The following HEATR1 variants were observed in gnomAD, a reference collection of about 807,000 sequenced individuals.
HEATR1 encodes the protein HEAT repeat containing 1.
Under a neutral mutation model 248.2 loss-of-function variants are expected in HEATR1, and 77 were observed. That is an observed-to-expected ratio of 0.31 (90% CI 0.26 to 0.37). HEATR1 has a LOEUF of 0.37. HEATR1 is among the 10% of genes least tolerant of loss of function. The pLI is 1.00. For synonymous variants in HEATR1, 897 were observed against 923.1 expected, an observed-to-expected ratio of 0.97 and a Z score of 0.51; for missense variants, 2,420 against 2,504.9, an observed-to-expected ratio of 0.97 and a Z score of 0.72.
intron 10 of HEATR1, among the ~76,000 whole-genome samples, 158 bp downstream of exon 10, chr1:236,592,365 T>A (rs1169028017): frequency 6.6e-6 from 1 of 152,202 alleles, no homozygotes; most frequent in Admixed American, 6.5e-5. Context: ...CTCTTATATT[T>A]CAAATATTTT....
chr1:236,597,225 T>C (rs1444475598), intron 5 of HEATR1, among the ~76,000 whole-genome samples: 1 of 151,406 alleles, frequency 6.6e-6, no homozygotes, highest in East Asian at 1.9e-4. Flanking sequence ...AACTGCCTAA[T>C]GATATTCCTA....
Position 236,576,796 on chromosome 1 carries a change from G to A in HEATR1, c.2909C>T (p.Ala970Val), listed in dbSNP as rs1321635502. 1 of 1,611,982 alleles carries A rather than the reference G, an allele frequency of 6.2e-7. No individual in the cohort carries two copies. Among genetic ancestry groups the A allele is most frequent in the Non-Finnish European group, 8.5e-7 (1 of 1,179,244 alleles). ...ISKAEEITSDAAYVIQDLATL... is the reference protein window; with the variant it reads ...ISKAEEITSDVAYVIQDLATL... ...CGAGCTTACCTGAATAACATAGGCA[G>A]CATCTGAAGTGATCTCCTCTGCTTT... The change falls in exon 21 of 45, where the codon GCT becomes GTT. Residue 970 changes from alanine (A) to valine (V), a missense_variant. Coordinates refer to ENST00000366582, the MANE Select transcript of HEATR1 (RefSeq NM_018072.6).
Position 236,582,719 on chromosome 1 carries a change from AAGG to A in HEATR1, c.2562+14_2562+16del. ...TCTTTAAGGGTAGAGTACGCCTGAA[AAGG>A]AGGAGGCTTGTACCTTTATGAAAAG... is the stretch of plus-strand genomic sequence containing the variant. On this transcript the variant is annotated intron_variant, in intron 19 of 44. Transcript: ENST00000366582. 6.2e-7 allele frequency: 1 copy of A among 1,613,410 alleles called. No homozygotes were observed. Among genetic ancestry groups the A allele is most frequent in the Non-Finnish European group, 8.5e-7 (1 of 1,179,366 alleles).
At chr1:236,593,143 G>A (rs995144102) in intron 9 of HEATR1, among the ~76,000 whole-genome samples, 1 of 151,870 alleles carries the variant, frequency 6.6e-6, no homozygotes, top group Non-Finnish European at 1.5e-5. Flanking sequence ...GCAGTGAGCC[G>A]AGATTGTGCC....
rs138638506 is a variant in HEATR1 at position 236,557,333 on chromosome 1, C to T, written c.5217G>A (p.Ser1739=). The T allele has an allele frequency of 1.5e-4, 243 of 1,613,858 alleles. No homozygotes were observed. The highest frequency in any genetic ancestry group is 1.8e-4 in the Non-Finnish European group (213 of 1,179,940). ...AIPQLPSLMP[S]LLTTMKNTSE... ...TGGTGTTCTTCATTGTTGTCAGCAACGATGGCATCAGGCTAGAAACAAAGT... is the reference window on the plus strand; with the variant it reads ...TGGTGTTCTTCATTGTTGTCAGCAATGATGGCATCAGGCTAGAAACAAAGT... Residue 1739 remains serine (S), a synonymous_variant, in exon 37 of 45, where the codon TCG becomes TCA. Transcript: ENST00000366582.
rs367953651 is a variant in HEATR1, at chr1:236,595,558, T to C, written c.1072A>G (p.Ile358Val). 55 of 1,611,930 alleles carry C rather than the reference T, an allele frequency of 3.4e-5. No individual in the cohort carries two copies. The highest frequency in any genetic ancestry group is 3.2e-4 in the South Asian group (29 of 90,644). The change falls in exon 8 of 45, where the codon ATC becomes GTC. Residue 358 changes from isoleucine to valine, a missense_variant. By Grantham distance (29) the Ile-to-Val change is conservative (BLOSUM62 3). Coordinates refer to ENST00000366582, the MANE Select transcript of HEATR1 (RefSeq NM_018072.6). ...HYMLPHLVVS[I>V]IHHVTGEETE... Reference sequence around the variant, plus strand: ...CACACACCTGTAACATGATGAATGATGGAGACGACCAGATGGGGAAGCATG... The same window carrying C: ...CACACACCTGTAACATGATGAATGACGGAGACGACCAGATGGGGAAGCATG...
At position 236,585,139 on chromosome 1, in the gene HEATR1, A is replaced by C; in HGVS notation, c.2127T>G (p.Ser709=). The C allele has an allele frequency of 1.2e-6, 2 of 1,614,134 alleles. No individual in the cohort carries two copies. Among genetic ancestry groups the C allele is most frequent in the Non-Finnish European group, 1.7e-6 (2 of 1,179,964 alleles). Residue 709 remains serine, a synonymous_variant, in exon 17 of 45, where the codon TCT becomes TCG. Transcript: ENST00000366582. ...AAGATGAACAACAAGAGACGAGCACAGACAGGATCACATGAAACGTTACTT... is the reference window on the plus strand; with the variant it reads ...AAGATGAACAACAAGAGACGAGCACCGACAGGATCACATGAAACGTTACTT... ...KQKVTFHVIL[S]VLVSCCSSLK...
In HEATR1 at chr1:236,604,124, C is replaced by A. The variant is rs745914298; in HGVS notation, c.-29G>T. On this transcript the variant is annotated 5_prime_UTR_variant, in exon 2 of 45. Transcript: ENST00000366582. ...TCACGCCAGCGGAGTTTTAATGACA[C>A]GGGCTAAAAAAACGTAAGCACTTTG... 2.0e-6 allele frequency: 3 copies of A among 1,537,970 alleles called. No homozygotes were observed. The East Asian group carries it at 7.2e-5, about 37-fold the overall frequency.
rs1663524601 is a variant in HEATR1 at position 236,574,823 on chromosome 1, A to G, written c.3165T>C (p.Asp1055=). 1 of 1,614,040 alleles carries G rather than the reference A, an allele frequency of 6.2e-7. No individual in the cohort carries two copies. Among genetic ancestry groups the G allele is most frequent in the African/African-American group, 1.3e-5 (1 of 75,052 alleles). ...IQKEPTAVLK[D]EAMVLHLTLG... Reference sequence around the variant, plus strand: ...GAGTGAGATGCAGAACCATGGCCTCATCTTTCAGCACAGCTGTGGGCTCCT... The same window carrying G: ...GAGTGAGATGCAGAACCATGGCCTCGTCTTTCAGCACAGCTGTGGGCTCCT... The change falls in exon 23 of 45, where the codon GAT becomes GAC. Residue 1055 remains aspartate (D), a synonymous_variant. Transcript: ENST00000366582.
intron 20 of HEATR1, among the ~76,000 whole-genome samples, chr1:236,577,796 A>C (rs57003567): frequency 0.068 from 10,290 of 152,200 alleles, 513 homozygotes; most frequent in East Asian, 0.14. Context: ...CCAAATCATT[A>C]TTTTTTAATT....
At chr1:236,590,711 C>G in intron 12 of HEATR1, 136 bp downstream of exon 12, 1 of 408,104 alleles carries the variant, frequency 2.5e-6, no homozygotes, top group Non-Finnish European at 4.4e-6. Context: ...AAATATTAGT[C>G]TAAGGTACTC....
At chr1:236,600,779 C>G (rs977655407) in intron 3 of HEATR1, among the ~76,000 whole-genome samples, 1 of 152,178 alleles carries the variant, frequency 6.6e-6, no homozygotes, top group African/African-American at 2.4e-5. Flanking sequence ...AAGTGACTGG[C>G]CTGCCTCAGC....
Position 236,590,969 on chromosome 1 carries a change from A to G in HEATR1, c.1423-15T>C, listed in dbSNP as rs552964078. 8 of 1,277,452 alleles carry G rather than the reference A, an allele frequency of 6.3e-6. No homozygotes were observed. The South Asian group carries it at 7.7e-5, about 12-fold the overall frequency. 79.1% of individuals were successfully genotyped at this position (1,277,452 alleles called of 1,614,324 possible). ...TCTGCTAAAAACTACAGGGTTCAAC[A>G]TAGTTATCAAATGATTTCACTTAAT... On this transcript the variant is annotated splice_polypyrimidine_tract_variant and intron_variant, in intron 11 of 44. Transcript: ENST00000366582.
chr1:236,595,315 C>G (rs1266573259), intron 8 of HEATR1, among the ~76,000 whole-genome samples: 3 of 152,046 alleles, frequency 2.0e-5, no homozygotes. Context: ...GAACACAGAT[C>G]TTAAAAAAAG....
Position 236,558,518 on chromosome 1 carries a change from G to A in HEATR1, c.4923C>T (p.Phe1641=), listed in dbSNP as rs1241947767. 4.3e-6 allele frequency: 7 copies of A among 1,611,838 alleles called. 1 individual carries two copies. In the South Asian group the frequency reaches 6.6e-5, roughly 15 times the overall value. ...CCAAAAGGTCTGGAACCAGTTTTAG[G>A]AAACGGGTAACCTGAAGGGGACAGC... ...ISWKKTIVTR[F]LKLVPDLLAI... Residue 1641 remains phenylalanine, a synonymous_variant, in exon 36 of 45, where the codon TTC becomes TTT. Transcript: ENST00000366582.
chr1:236,572,657 T>C (rs1663459050), intron 25 of HEATR1, 68 bp downstream of exon 25: 1 of 1,596,496 alleles, frequency 6.3e-7, no homozygotes, highest in African/African-American at 1.3e-5. Flanking sequence ...ATCAAAAAGT[T>C]CCAATGGTTT....
intron 2 of HEATR1, among the ~76,000 whole-genome samples, chr1:236,603,649 G>A (rs561284494): frequency 9.4e-4 from 141 of 149,300 alleles, no homozygotes; most frequent in African/African-American, 3.4e-3. Context: ...CCTCTGAGAG[G>A]ACTTCTCCGT....
intron 12 of HEATR1, among the ~76,000 whole-genome samples, chr1:236,590,483 T>A (rs1664003287): frequency 6.6e-6 from 1 of 152,134 alleles, no homozygotes; most frequent in Non-Finnish European, 1.5e-5. Flanking sequence ...GTGATCCTTC[T>A]CACAGAGTGC....
chr1:236,583,086 C>G lies in HEATR1; in HGVS notation c.2352G>C (p.Glu784Asp). 6.2e-7 allele frequency: 1 copy of G among 1,614,150 alleles called. No homozygotes were observed. The highest frequency in any genetic ancestry group is 1.1e-5 in the South Asian group (1 of 91,074). ...AGGAAAATACAAGAAAAACCGAGTC[C>G]TCCACGGCCACCCTCTGAGTGCTGT... ...ELNSTQRVAV[E>D]DSVFLVFSLK... Residue 784 changes from glutamate (E) to aspartate (D), a missense_variant, in exon 18 of 45, where the codon GAG becomes GAC. Physicochemically the swap from Glu to Asp is conservative, Grantham distance 45 (BLOSUM62 2). Coordinates refer to ENST00000366582, the MANE Select transcript of HEATR1 (RefSeq NM_018072.6).
Sources: allele counts gnomAD v4.1 joint callset (sites outside exome capture counted in the v4.1 genomes callset), GRCh38; gene constraint gnomAD v4.1.1; transcripts MANE v1.5; gene names NCBI Gene and HGNC (gene_info 2026-07-23, HGNC 2026-07-21).